Variants in SDK1 observed in about 807,000 individuals in gnomAD.
SDK1 encodes the protein sidekick cell adhesion molecule 1.
Under a neutral mutation model 245.5 loss-of-function variants are expected in SDK1, and 157 were observed. The observed-to-expected ratio is 0.64, with a 90% CI of 0.56 to 0.73. The LOEUF is 0.73. Ranked by LOEUF, SDK1 falls within the 30% of genes least tolerant of loss-of-function variation. The probability of loss-of-function intolerance (pLI) is 0.00; values close to 1 mark genes in which losing one functional copy is unlikely to be tolerated. For missense variants in SDK1, 3,583 were observed against 3,002.3 expected, an observed-to-expected ratio of 1.19 and a Z score of -4.52; for synonymous variants, 1,647 against 1,278.5, an observed-to-expected ratio of 1.29 and a Z score of -6.15.
At chr7:3,919,295 G>A (rs1779503057) in intron 5 of SDK1, among the ~76,000 whole-genome samples, 1 of 152,202 alleles carries the variant, frequency 6.6e-6, no homozygotes, top group Non-Finnish European at 1.5e-5. Flanking sequence ...GATCTGGGGT[G>A]CATGGCCGGC....
intron 35 of SDK1, among the ~76,000 whole-genome samples, chr7:4,186,669 T>C (rs527319358): frequency 6.6e-6 from 1 of 151,898 alleles, no homozygotes; most frequent in Non-Finnish European, 1.5e-5. Flanking sequence ...CGTCAATGAG[T>C]AGAGCCCCCC....
chr7:3,394,085 A>G (rs1255730388), intron 1 of SDK1, among the ~76,000 whole-genome samples: 1 of 151,724 alleles, frequency 6.6e-6, no homozygotes, highest in Non-Finnish European at 1.5e-5. Context: ...TTCTATAGGT[A>G]CTGTCTTGGT....
chr7:3,560,179 C>T (rs928832690), intron 1 of SDK1, among the ~76,000 whole-genome samples: 2 of 152,142 alleles, frequency 1.3e-5, no homozygotes, highest in African/African-American at 2.4e-5. Context: ...TATTATGCTT[C>T]CGCAAAATAC....
chr7:3,665,635 T>C (rs1252727319), intron 4 of SDK1, among the ~76,000 whole-genome samples: 1 of 151,998 alleles, frequency 6.6e-6, no homozygotes, highest in African/African-American at 2.4e-5. Context: ...GGGGAGGGAG[T>C]GCCACAGCAA....
chr7:3,816,174 C>T, intron 4 of SDK1, among the ~76,000 whole-genome samples: 2 of 149,410 alleles, frequency 1.3e-5, no homozygotes, highest in Non-Finnish European at 3.0e-5. Context: ...CCTAACATCA[C>T]AATTAAAAGA....
chr7:4,054,128 A>T (rs942600920), intron 19 of SDK1, among the ~76,000 whole-genome samples: 1 of 151,968 alleles, frequency 6.6e-6, no homozygotes, highest in Admixed American at 6.6e-5. Context: ...TTTAATAGAG[A>T]TGGGGTTTCA....
chr7:3,927,406 G>T (rs1349863106), intron 5 of SDK1, among the ~76,000 whole-genome samples: 1 of 151,930 alleles, frequency 6.6e-6, no homozygotes, highest in Admixed American at 6.6e-5. Context: ...TATATGCATC[G>T]TACATATTTT....
At chr7:4,239,522 A>AC (rs1786389647) in intron 42 of SDK1, among the ~76,000 whole-genome samples, 1 of 152,198 alleles carries the variant, frequency 6.6e-6, no homozygotes, top group African/African-American at 2.4e-5. Context: ...TGACTGCTAG[A>AC]CCGCAGCCTG....
intron 41 of SDK1, among the ~76,000 whole-genome samples, chr7:4,236,239 C>T (rs961115572): frequency 2.6e-5 from 4 of 152,274 alleles, no homozygotes; most frequent in Middle Eastern, 3.4e-3. Context: ...GGGGGGCTTC[C>T]AGTGCCACAG....
At chr7:3,418,145 G>GCACAAAA (rs1292199670) in intron 1 of SDK1, among the ~76,000 whole-genome samples, 7 of 119,726 alleles carry the variant, frequency 5.8e-5, no homozygotes, top group African/African-American at 2.7e-4. Context: ...TACTAAAAAT[G>GCACAAAA]AAAAAAAAAA....
At chr7:3,731,645 C>T (rs1281752681) in intron 4 of SDK1, among the ~76,000 whole-genome samples, 1 of 152,090 alleles carries the variant, frequency 6.6e-6, no homozygotes, top group South Asian at 2.1e-4. Context: ...GTCGTCTCAC[C>T]TATTGTGATG....
At chr7:4,140,344 A>T (rs899362225) in intron 28 of SDK1, among the ~76,000 whole-genome samples, 6 of 152,070 alleles carry the variant, frequency 3.9e-5, no homozygotes, top group Non-Finnish European at 8.8e-5. Context: ...TTTCTGGAAC[A>T]ATTCAGCCTC....
intron 28 of SDK1, among the ~76,000 whole-genome samples, chr7:4,132,865 G>A (rs1364310479): frequency 6.6e-6 from 1 of 152,244 alleles, no homozygotes; most frequent in African/African-American, 2.4e-5. Context: ...CCTGAACCGA[G>A]ATGATCATGG....
At chr7:3,306,027 AG>A (rs2128541766) in intron 1 of SDK1, among the ~76,000 whole-genome samples, 1 of 152,242 alleles carries the variant, frequency 6.6e-6, no homozygotes, top group Admixed American at 6.5e-5. Context: ...ACATAACTTG[AG>A]TTCATAACCC....
chr7:3,389,570 C>T (rs2128569603), intron 1 of SDK1, among the ~76,000 whole-genome samples: 1 of 152,214 alleles, frequency 6.6e-6, no homozygotes, highest in East Asian at 1.9e-4. Context: ...TTATTTTAAG[C>T]CATAGGTCTA....
intron 5 of SDK1, among the ~76,000 whole-genome samples, chr7:3,945,724 C>A (rs1358428589): frequency 1.3e-5 from 2 of 151,236 alleles, no homozygotes; most frequent in African/African-American, 4.9e-5. Flanking sequence ...ATGGTGAAAC[C>A]CTGTCTCTAC....
chr7:3,357,398 G>A (rs1293227242), intron 1 of SDK1, among the ~76,000 whole-genome samples: 1 of 128,172 alleles, frequency 7.8e-6, no homozygotes, highest in Non-Finnish European at 1.6e-5. Context: ...TGCCCAGGCT[G>A]GAGTGCAATG....
chr7:3,859,480 A>AC (rs1397180615), intron 5 of SDK1, among the ~76,000 whole-genome samples: 1 of 151,990 alleles, frequency 6.6e-6, no homozygotes, highest in Non-Finnish European at 1.5e-5. Context: ...GTAGGTGCCC[A>AC]CTGTGGCTCA....
At chr7:3,326,876 T>G (rs190478608) in intron 1 of SDK1, among the ~76,000 whole-genome samples, 1 of 152,180 alleles carries the variant, frequency 6.6e-6, no homozygotes. Context: ...TTTATTTACA[T>G]CTGTTTATTA....
Sources: allele counts gnomAD v4.1 joint callset (sites outside exome capture counted in the v4.1 genomes callset), GRCh38; gene constraint gnomAD v4.1.1; transcripts MANE v1.5; gene names NCBI Gene and HGNC (gene_info 2026-07-23, HGNC 2026-07-21).